Variants in CTCF observed in about 807,000 individuals in gnomAD.
CTCF encodes transcriptional repressor CTCF.
Under a neutral mutation model 72.3 loss-of-function variants are expected in CTCF, and 7 were observed. The ratio of observed to expected loss-of-function variants is 0.10; its 90% CI spans 0.06 to 0.18. The LOEUF is 0.18. Among genes scored for constraint, CTCF ranks in the 10% least tolerant of loss-of-function variants. CTCF has a pLI of 1.00. For missense variants in CTCF, 516 were observed against 949.1 expected, an observed-to-expected ratio of 0.54 and a Z score of 6.00; for synonymous variants, 374 against 315.8, an observed-to-expected ratio of 1.18 and a Z score of -1.95.
chr16:67,616,695 T>C, intron 4 of CTCF, 50 bp from the exon 5 acceptor site: 1 of 1,608,572 alleles, frequency 6.2e-7, no homozygotes, highest in Non-Finnish European at 8.5e-7. Flanking sequence ...AACTCTGTCA[T>C]TAACTGTGCC....
At chr16:67,576,457 T>C (rs2051498230) in intron 2 of CTCF, among the ~76,000 whole-genome samples, 1 of 151,994 alleles carries the variant, frequency 6.6e-6, no homozygotes, top group Non-Finnish European at 1.5e-5. Context: ...TTTTTTTCTT[T>C]TCTTAGATTA....
intron 2 of CTCF, among the ~76,000 whole-genome samples, chr16:67,605,468 G>A (rs1334551177): frequency 6.6e-6 from 1 of 152,198 alleles, no homozygotes; most frequent in African/African-American, 2.4e-5. Flanking sequence ...CTTGGTTGTT[G>A]AGAACAAGGG....
In CTCF at chr16:67,609,563, T is replaced by C. The variant is rs140418377; in HGVS notation, c.-9-1261T>C. On this transcript the variant is annotated intron_variant, in intron 2 of 11. Transcript: ENST00000264010. ...TGATTGATTACTGTCTCTTTAAGACTCTTTTATCTGTATCAGAGTTTCTCA... is the reference window on the plus strand; with the variant it reads ...TGATTGATTACTGTCTCTTTAAGACCCTTTTATCTGTATCAGAGTTTCTCA... Among the ~76,000 whole-genome samples the C allele has an allele frequency of 5.4e-3, 816 of 152,256 alleles. 4 individuals are homozygous for C. Among genetic ancestry groups the C allele is most frequent in the Non-Finnish European group, 9.3e-3 (635 of 68,032 alleles).
chr16:67,612,146 T>C, intron 4 of CTCF, 25 bp downstream of exon 4: 2 of 1,588,590 alleles, frequency 1.3e-6, no homozygotes, highest in Non-Finnish European at 1.7e-6. Context: ...TGTTGGGGGC[T>C]ACAACAGCAA....
intron 7 of CTCF, among the ~76,000 whole-genome samples, chr16:67,622,226 G>T (rs536745985): frequency 6.6e-6 from 1 of 152,000 alleles, no homozygotes; most frequent in Non-Finnish European, 1.5e-5. Context: ...CATGGTGGTG[G>T]GCGCCTGTAG....
At chr16:67,628,611 C>A in intron 9 of CTCF, 59 bp downstream of exon 9, 2 of 1,541,964 alleles carry the variant, frequency 1.3e-6, no homozygotes, top group Non-Finnish European at 1.8e-6. Context: ...TTTTGGTCTT[C>A]CTCTGCAGAG....
intron 2 of CTCF, among the ~76,000 whole-genome samples, chr16:67,590,982 A>C (rs1038141080): frequency 7.3e-5 from 10 of 136,646 alleles, no homozygotes; most frequent in Non-Finnish European, 1.4e-4. Flanking sequence ...AAAAAAAAAA[A>C]ATGCTGGACT....
chr16:67,569,117 G>A (rs1436164377), intron 1 of CTCF, among the ~76,000 whole-genome samples: 3 of 152,160 alleles, frequency 2.0e-5, no homozygotes, highest in African/African-American at 7.2e-5. Flanking sequence ...GGGATTACAG[G>A]CGTGAACCAC....
In CTCF at chr16:67,591,724, G is replaced by C. The variant is rs556022978; in HGVS notation, c.-9-19100G>C. Among the ~76,000 whole-genome samples the C allele has an allele frequency of 2.2e-3, 327 of 151,968 alleles. 2 individuals carry two copies. Among genetic ancestry groups the C allele is most frequent in the Non-Finnish European group, 2.1e-3 (146 of 67,960 alleles). ...AGGAAAAACTGATTACTTTTTTTGG[G>C]GGGGGGCAGTAAGGGCACAGAGTCT... On this transcript the variant is annotated intron_variant, in intron 2 of 11. Coordinates refer to ENST00000264010, the MANE Select transcript of CTCF (RefSeq NM_006565.4).
chr16:67,600,258 G>A (rs1348330827), intron 2 of CTCF, among the ~76,000 whole-genome samples: 1 of 151,470 alleles, frequency 6.6e-6, no homozygotes, highest in Non-Finnish European at 1.5e-5. Context: ...TATTTTTGAG[G>A]AACAGAGTCT....
chr16:67,618,379 G>A (rs1334307625), intron 5 of CTCF, among the ~76,000 whole-genome samples: 1 of 152,164 alleles, frequency 6.6e-6, no homozygotes, highest in Non-Finnish European at 1.5e-5. Flanking sequence ...TCCAGCCTGG[G>A]TGATGAGTGA....
At chr16:67,571,092 T>A (rs75129385) in intron 1 of CTCF, 56 bp from the exon 2 acceptor site, 1 of 152,580 alleles carries the variant, frequency 6.6e-6, no homozygotes, top group African/African-American at 2.4e-5. Flanking sequence ...TTTCATACTA[T>A]ATGCGTATTT....
chr16:67,629,830 A>G (rs540792357), intron 10 of CTCF, among the ~76,000 whole-genome samples: 3 of 115,114 alleles, frequency 2.6e-5, no homozygotes, highest in South Asian at 6.0e-4. Context: ...GCTGGAGTGC[A>G]CTGGCGCGAT....
At chr16:67,592,482 G>T (rs1177272006) in intron 2 of CTCF, among the ~76,000 whole-genome samples, 2 of 151,248 alleles carry the variant, frequency 1.3e-5, no homozygotes, top group African/African-American at 4.9e-5. Context: ...GAGGTGGGAG[G>T]ATCACCAGAG....
intron 2 of CTCF, among the ~76,000 whole-genome samples, chr16:67,601,338 T>TGTG (rs2051888731): frequency 3.1e-5 from 4 of 129,784 alleles, no homozygotes; most frequent in South Asian, 2.5e-4. Context: ...TGTGTGTGTG[T>TGTG]TTTGTTTTGT....
chr16:67,632,539 C>T (rs193045577), intron 10 of CTCF, among the ~76,000 whole-genome samples: 61 of 152,290 alleles, frequency 4.0e-4, no homozygotes, highest in African/African-American at 1.4e-3. Flanking sequence ...TTCTGCCTGT[C>T]GGCTGTCTAC....
intron 10 of CTCF, among the ~76,000 whole-genome samples, chr16:67,633,778 CCT>C: frequency 7.4e-6 from 1 of 134,610 alleles, no homozygotes; most frequent in South Asian, 2.4e-4. Context: ...CGTCTTGTCC[CCT>C]GACACACACA....
chr16:67,638,115 A>T lies in CTCF; in HGVS notation c.*243A>T, dbSNP rs979127088. 7.3e-5 allele frequency: 32 copies of T among 436,360 alleles called. No individual in the cohort carries two copies. The Admixed American group carries it at 1.2e-3, about 16-fold the overall frequency. 27.0% of individuals were successfully genotyped at this position (436,360 alleles called of 1,614,324 possible). A position where few individuals can be genotyped will look rare whatever the true frequency, so the allele number is the denominator to read the frequency against. On this transcript the variant is annotated 3_prime_UTR_variant, in exon 12 of 12. Coordinates refer to ENST00000264010, the MANE Select transcript of CTCF (RefSeq NM_006565.4). ...GAGGGTTTACTGTGAAGTGCTGAGG[A>T]CAGTGTTGACAACTAACTCGTTTTC...
At chr16:67,620,896 T>C in intron 6 of CTCF, 79 bp downstream of exon 6, 1 of 1,228,618 alleles carries the variant, frequency 8.1e-7, no homozygotes, top group Non-Finnish European at 1.1e-6. Context: ...CCACTGTGTG[T>C]CCCCATTGTT....
Sources: allele counts gnomAD v4.1 joint callset (sites outside exome capture counted in the v4.1 genomes callset), GRCh38; gene constraint gnomAD v4.1.1; transcripts MANE v1.5; gene names NCBI Gene and HGNC (gene_info 2026-07-23, HGNC 2026-07-21).